The following SENP7 variants were observed in gnomAD, a reference collection of about 807,000 sequenced individuals.
SENP7 encodes SUMO specific peptidase 7, also known as sentrin-specific protease 7.
A neutral mutation model predicts 141.2 loss-of-function variants in SENP7; 64 were observed. That is an observed-to-expected ratio of 0.45 (90% CI 0.37 to 0.56). The LOEUF is 0.56. Among genes scored for constraint, SENP7 ranks in the 20% least tolerant of loss-of-function variants. The pLI is 0.00. For synonymous variants in SENP7, 382 were observed against 426.4 expected (o/e 0.90, Z 1.28); for missense variants, 1,025 against 1,212.2 (o/e 0.85, Z 2.29).
At chr3:101,336,488 T>C (rs148474495) in intron 17 of SENP7, among the ~76,000 whole-genome samples, 39 of 152,360 alleles carry the variant, frequency 2.6e-4, no homozygotes, top group African/African-American at 7.9e-4. Flanking sequence ...GCTGTTCATC[T>C]TAAGTAAAAT....
chr3:101,365,933 C>G (rs963606143), intron 9 of SENP7, among the ~76,000 whole-genome samples: 10 of 152,098 alleles, frequency 6.6e-5, no homozygotes, highest in African/African-American at 2.4e-4. Flanking sequence ...ACTTTTAAGT[C>G]CTGTTACATG....
chr3:101,498,881 A>G (rs1010837829), intron 2 of SENP7, among the ~76,000 whole-genome samples: 1 of 152,092 alleles, frequency 6.6e-6, no homozygotes, highest in Non-Finnish European at 1.5e-5. Flanking sequence ...TGAGAACCCA[A>G]TGCCTGAAAA....
rs747571174 is a variant in SENP7, at chr3:101,423,774, AG to A, written c.285-5985del. ...TTACCATGTACCAGGACTCATTCAT[AG>A]CCCCCAGTGACTCTGGGGGGCAATG... On this transcript the variant is annotated intron_variant, in intron 4 of 23. Transcript: ENST00000394095. Among the ~76,000 whole-genome samples the A allele has an allele frequency of 1.1e-3, 174 of 152,266 alleles. No individual in the cohort carries two copies. In the Middle Eastern group the frequency reaches 0.02, roughly 18 times the overall value.
At chr3:101,453,808 T>C (rs1361143077) in intron 4 of SENP7, among the ~76,000 whole-genome samples, 1 of 151,902 alleles carries the variant, frequency 6.6e-6, no homozygotes, top group Non-Finnish European at 1.5e-5. Flanking sequence ...ATGGCACATG[T>C]ATACATATGT....
chr3:101,330,577 G>A (rs576751028), intron 19 of SENP7, among the ~76,000 whole-genome samples, 191 bp from the exon 20 acceptor site: 10 of 152,228 alleles, frequency 6.6e-5, no homozygotes, highest in Non-Finnish European at 1.5e-4. Flanking sequence ...ATGGTTGGCT[G>A]TTATCAAATA....
chr3:101,454,579 A>C (rs887955483), intron 4 of SENP7, among the ~76,000 whole-genome samples: 4 of 152,226 alleles, frequency 2.6e-5, no homozygotes, highest in Non-Finnish European at 5.9e-5. Context: ...CTTGTATAGG[A>C]ATGTTTATGA....
intron 3 of SENP7, among the ~76,000 whole-genome samples, chr3:101,489,845 C>G (rs929158511): frequency 1.3e-5 from 2 of 152,158 alleles, no homozygotes; most frequent in African/African-American, 4.8e-5. Flanking sequence ...CTAACAGCCA[C>G]AGAAAATGTT....
intron 13 of SENP7, among the ~76,000 whole-genome samples, 195 bp from the exon 14 acceptor site, chr3:101,344,149 A>G (rs1195899448): frequency 6.6e-6 from 1 of 152,084 alleles, no homozygotes; most frequent in Non-Finnish European, 1.5e-5. Context: ...CAATTGGTGG[A>G]CTCCTGTTCT....
intron 1 of SENP7, among the ~76,000 whole-genome samples, chr3:101,508,190 C>T (rs902925378): frequency 6.6e-6 from 1 of 152,022 alleles, no homozygotes; most frequent in Non-Finnish European, 1.5e-5. Flanking sequence ...AATTCACCAT[C>T]ATTCTGAAGC....
At chr3:101,423,737 C>G (rs2107680974) in intron 4 of SENP7, among the ~76,000 whole-genome samples, 1 of 152,228 alleles carries the variant, frequency 6.6e-6, no homozygotes, top group South Asian at 2.1e-4. Flanking sequence ...AAGGTGGGAA[C>G]CTTGCACAGG....
At chr3:101,465,135 C>T (rs2063717740) in intron 3 of SENP7, among the ~76,000 whole-genome samples, 1 of 152,074 alleles carries the variant, frequency 6.6e-6, no homozygotes, top group Non-Finnish European at 1.5e-5. Context: ...CCCACACACA[C>T]CATTAGGGGG....
In SENP7 at chr3:101,364,893, C is replaced by T. The variant is rs1368872376; in HGVS notation, c.1417G>A (p.Glu473Lys). The change falls in exon 10 of 24, where the codon GAG (glutamate) becomes AAG (lysine). Residue 473 changes from glutamate (E) to lysine (K), a missense_variant. Glu to Lys is a moderately conservative substitution (Grantham distance 56, BLOSUM62 1). Around this residue, in one of 4 missense-constraint regions of SENP7, gnomAD observed 228 missense variants for 228.5 expected, o/e 1.00. Transcript: ENST00000394095. ...KQDRETTNENESTSESALLEL... is the reference protein window; with the variant it reads ...KQDRETTNENKSTSESALLEL... Reference sequence around the variant, plus strand: ...AACAATGCTGATTCAGAAGTACTCTCATTTTCATTAGTTGTCTCACGGTCT... The same window carrying T: ...AACAATGCTGATTCAGAAGTACTCTTATTTTCATTAGTTGTCTCACGGTCT... 2 of 1,604,392 alleles carry T rather than the reference C, an allele frequency of 1.2e-6. No individual in the cohort carries two copies. Among genetic ancestry groups the T allele is most frequent in the African/African-American group, 2.7e-5 (2 of 74,554 alleles).
chr3:101,414,172 T>G, intron 5 of SENP7: 1 of 537,324 alleles, frequency 1.9e-6, no homozygotes. Context: ...ATTTAGGGGT[T>G]AAAAATAACT....
At chr3:101,386,331 T>C (rs1417104989) in intron 6 of SENP7, among the ~76,000 whole-genome samples, 2 of 152,164 alleles carry the variant, frequency 1.3e-5, no homozygotes, top group African/African-American at 4.8e-5. Context: ...CTGAAGACTC[T>C]TGTAATCCTA....
At chr3:101,399,117 TC>T in intron 5 of SENP7, 62 bp from the exon 6 acceptor site, 1 of 1,069,576 alleles carries the variant, frequency 9.3e-7, no homozygotes, top group Non-Finnish European at 1.3e-6. Flanking sequence ...AAAAATGTAT[TC>T]CAGGAAGGTG....
At chr3:101,457,479 G>C in intron 4 of SENP7, 1 of 1,609,418 alleles carries the variant, frequency 6.2e-7, no homozygotes, top group Non-Finnish European at 8.5e-7. Flanking sequence ...AGTGTTTGCT[G>C]CCAGAGATGC....
chr3:101,491,093 G>A (rs565843125), intron 3 of SENP7, among the ~76,000 whole-genome samples: 1 of 150,732 alleles, frequency 6.6e-6, no homozygotes, highest in Non-Finnish European at 1.5e-5. Flanking sequence ...AGAGAAAAAG[G>A]ACAGAACGAG....
chr3:101,397,821 A>G (rs1411414848), intron 6 of SENP7, among the ~76,000 whole-genome samples: 2 of 152,232 alleles, frequency 1.3e-5, no homozygotes, highest in Non-Finnish European at 2.9e-5. Flanking sequence ...AGTATCCTAC[A>G]GGCTGAACAC....
intron 7 of SENP7, among the ~76,000 whole-genome samples, chr3:101,369,723 CAGG>C (rs1363436807): frequency 7.2e-5 from 11 of 152,066 alleles, no homozygotes; most frequent in Admixed American, 1.3e-4. Context: ...CTTGATTATA[CAGG>C]AGTTTTCTTT....
Sources: allele counts gnomAD v4.1 joint callset (sites outside exome capture counted in the v4.1 genomes callset), GRCh38; gene constraint gnomAD v4.1.1; regional missense constraint gnomAD v4.1.1; transcripts MANE v1.5; gene names NCBI Gene and HGNC (gene_info 2026-07-23, HGNC 2026-07-21).